Variants in ERG observed in about 807,000 individuals in gnomAD.
ERG encodes ETS transcription factor ERG, also known as transcriptional regulator ERG.
Under a neutral mutation model 55.3 loss-of-function variants are expected in ERG, and 9 were observed. That is an observed-to-expected ratio of 0.16 (90% CI 0.10 to 0.28). The LOEUF is 0.28. Among genes scored for constraint, ERG ranks in the 10% least tolerant of loss-of-function variants. The probability of loss-of-function intolerance (pLI) is 1.00; values close to 1 mark genes in which losing one functional copy is unlikely to be tolerated. For missense variants in ERG, 434 were observed against 631.6 expected (o/e 0.69, Z 3.35); for synonymous variants, 223 against 237.3 (o/e 0.94, Z 0.55).
chr21:38,442,301 G>A (rs867764275), intron 2 of ERG, among the ~76,000 whole-genome samples: 1 of 151,916 alleles, frequency 6.6e-6, no homozygotes, highest in East Asian at 1.9e-4. Context: ...GGCTGAGGCA[G>A]GGGAGTCGCT....
intron 2 of ERG, among the ~76,000 whole-genome samples, chr21:38,529,993 G>A (rs2059660498): frequency 6.6e-6 from 1 of 152,056 alleles, no homozygotes; most frequent in African/African-American, 2.4e-5. Flanking sequence ...AAAAACCATG[G>A]GAAAGAACAA....
chr21:38,403,570 G>A lies in ERG; in HGVS notation c.528C>T (p.Phe176=), dbSNP rs1219744755. 1 of 1,614,176 alleles carries A rather than the reference G, an allele frequency of 6.2e-7. No individual in the cohort carries two copies. The highest frequency in any genetic ancestry group is 1.3e-5 in the African/African-American group (1 of 75,030). The stretch of plus-strand genomic sequence containing the variant: ...CGTTGTAGCTGGGGGTGAGCCTCTG[G>A]AAGTCGTCCTTGGTCATCTTGCACA... ...KELCKMTKDD[F]QRLTPSYNAD... is the part of the protein sequence containing the mutation. Residue 176 remains phenylalanine, a synonymous_variant, in exon 4 of 10, where the codon TTC becomes TTT. Coordinates refer to ENST00000288319, the MANE Select transcript of ERG (RefSeq NM_182918.4).
intron 1 of ERG, among the ~76,000 whole-genome samples, chr21:38,469,521 C>T (rs899364368): frequency 9.9e-5 from 15 of 152,174 alleles, no homozygotes. Flanking sequence ...TAATTAGCTG[C>T]ACCTTGATTC....
At chr21:38,618,075 G>A (rs1458808254) in intron 1 of ERG, among the ~76,000 whole-genome samples, 1 of 152,184 alleles carries the variant, frequency 6.6e-6, no homozygotes, top group East Asian at 1.9e-4. Context: ...ACTTGACAAT[G>A]GGAATGGGGA....
At chr21:38,444,524 G>A (rs2058871007) in intron 2 of ERG, among the ~76,000 whole-genome samples, 1 of 152,088 alleles carries the variant, frequency 6.6e-6, no homozygotes, top group Non-Finnish European at 1.5e-5. Context: ...TCTTTTTCCT[G>A]AATATATATG....
rs1478521106 is a variant in ERG at position 38,509,109 on chromosome 21, C to T, written c.-41+66553G>A. Among the ~76,000 whole-genome samples, 3 of 152,182 alleles carry T rather than the reference C, an allele frequency of 2.0e-5. No individual in the cohort carries two copies. In the East Asian group the frequency reaches 5.8e-4, roughly 29 times the overall value. The stretch of plus-strand genomic sequence containing the variant: ...GAGACTCCAAGCAAATAATATCTAT[C>T]TCAGCCCAATCAAGCCCTGGAACCA... On this transcript the variant is annotated intron_variant, in intron 2 of 8. Transcript: ENST00000398897.
intron 2 of ERG, among the ~76,000 whole-genome samples, chr21:38,556,319 A>G (rs1411359798): frequency 3.9e-5 from 6 of 152,186 alleles, no homozygotes; most frequent in Non-Finnish European, 7.3e-5. Context: ...GAGATTACAT[A>G]TAATTATTAT....
At chr21:38,421,670 A>C (rs920345649) in intron 3 of ERG, among the ~76,000 whole-genome samples, 14 of 152,126 alleles carry the variant, frequency 9.2e-5, no homozygotes, top group African/African-American at 3.4e-4. Context: ...CTACTTTGCC[A>C]ACAAGGAGTA....
intron 1 of ERG, among the ~76,000 whole-genome samples, chr21:38,658,613 T>G (rs996837915): frequency 6.6e-5 from 10 of 152,246 alleles, no homozygotes; most frequent in African/African-American, 2.2e-4. Context: ...GAAAGTTTCC[T>G]ATTACCCTAC....
chr21:38,634,387 A>G (rs1001327836), intron 1 of ERG, among the ~76,000 whole-genome samples: 16 of 152,230 alleles, frequency 1.1e-4, no homozygotes, highest in African/African-American at 3.4e-4. Context: ...ACAGCTGTGC[A>G]TAACGGGAAT....
intron 1 of ERG, among the ~76,000 whole-genome samples, chr21:38,464,525 T>C (rs1478558643): frequency 2.0e-5 from 3 of 152,214 alleles, no homozygotes; most frequent in African/African-American, 4.8e-5. Flanking sequence ...GACGAATTCT[T>C]TGAAGTTGCC....
At chr21:38,396,018 C>T (rs1988195102) in intron 6 of ERG, among the ~76,000 whole-genome samples, 1 of 152,198 alleles carries the variant, frequency 6.6e-6, no homozygotes, top group Admixed American at 6.5e-5. Flanking sequence ...AGGATCCACA[C>T]CATATCTGCA....
At chr21:38,640,228 C>T (rs780245996) in intron 1 of ERG, among the ~76,000 whole-genome samples, 6 of 152,058 alleles carry the variant, frequency 3.9e-5, no homozygotes, top group Non-Finnish European at 7.4e-5. Context: ...TCGAACATTA[C>T]AGCACACTAT....
upstream of ERG, among the ~76,000 whole-genome samples, chr21:38,589,330 C>A (rs2060085969): frequency 6.6e-6 from 1 of 152,222 alleles, no homozygotes; most frequent in Admixed American, 6.5e-5. Context: ...AACACAGCCA[C>A]AGAGCAGCCT....
At chr21:38,429,270 G>T (rs936818947) in intron 2 of ERG, among the ~76,000 whole-genome samples, 2 of 150,132 alleles carry the variant, frequency 1.3e-5, no homozygotes, top group Non-Finnish European at 2.9e-5. Flanking sequence ...ATACACACAC[G>T]CATATATACA....
intron 9 of ERG, among the ~76,000 whole-genome samples, chr21:38,389,545 T>A (rs1011410922): frequency 5.3e-5 from 8 of 151,780 alleles, no homozygotes; most frequent in African/African-American, 1.9e-4. Flanking sequence ...AACATAGTCA[T>A]TATTTTTATT....
chr21:38,540,222 G>A (rs1053029107), intron 2 of ERG, among the ~76,000 whole-genome samples: 1 of 151,980 alleles, frequency 6.6e-6, no homozygotes, highest in African/African-American at 2.4e-5. Flanking sequence ...AAACATATTT[G>A]GTTTCTTATT....
In ERG at chr21:38,530,463, G is replaced by C. The variant is rs187154454; in HGVS notation, c.-41+45199C>G. Among the ~76,000 whole-genome samples, 240 of 152,348 alleles carry C rather than the reference G, an allele frequency of 1.6e-3. 3 individuals are homozygous for C. Among genetic ancestry groups the C allele is most frequent in the African/African-American group, 5.6e-3 (231 of 41,586 alleles). Reference sequence around the variant, plus strand: ...ATTCCTATGGTTCTAGTAAGTTGCAGAGGGTGGATCTAAGACCATTGGGTG... The same window carrying C: ...ATTCCTATGGTTCTAGTAAGTTGCACAGGGTGGATCTAAGACCATTGGGTG... On this transcript the variant is annotated intron_variant, in intron 2 of 8. Coordinates refer to the ERG transcript ENST00000398897.
chr21:38,390,778 AC>A (rs2146426482), intron 9 of ERG, among the ~76,000 whole-genome samples: 1 of 152,300 alleles, frequency 6.6e-6, no homozygotes, highest in East Asian at 1.9e-4. Context: ...GCCCTAGAAA[AC>A]TATTACAGCT....
Sources: allele counts gnomAD v4.1 joint callset (sites outside exome capture counted in the v4.1 genomes callset), GRCh38; gene constraint gnomAD v4.1.1; transcripts MANE v1.5; gene names NCBI Gene and HGNC (gene_info 2026-07-23, HGNC 2026-07-21).